The following CTIF variants were observed in gnomAD, a reference collection of about 807,000 sequenced individuals.
CTIF encodes cap binding complex dependent translation initiation factor.
A neutral mutation model predicts 66.0 loss-of-function variants in CTIF; 21 were observed. The observed-to-expected ratio is 0.32, with a 90% CI of 0.23 to 0.46. The LOEUF (loss-of-function observed/expected upper bound fraction) is 0.46. CTIF is among the 20% of genes least tolerant of loss of function. CTIF has a pLI of 1.00. For missense variants in CTIF, 739 were observed against 812.7 expected (o/e 0.91, Z 1.10); for synonymous variants, 345 against 326.4 (o/e 1.06, Z -0.62).
intron 5 of CTIF, among the ~76,000 whole-genome samples, chr18:48,668,976 G>A (rs78718877): frequency 3.8e-4 from 58 of 152,228 alleles, no homozygotes; most frequent in African/African-American, 1.4e-3. Context: ...ATCAAATGGG[G>A]CTTGGGTTAG....
At chr18:48,571,066 AGATAT>A (rs1434580579) in intron 1 of CTIF, among the ~76,000 whole-genome samples, 3 of 152,230 alleles carry the variant, frequency 2.0e-5, no homozygotes, top group Non-Finnish European at 2.9e-5. Context: ...TTAAAAAGAA[AGATAT>A]GATCTGCAAA....
At chr18:48,794,573 T>TG (rs1195523795) in intron 9 of CTIF, among the ~76,000 whole-genome samples, 1 of 151,924 alleles carries the variant, frequency 6.6e-6, no homozygotes, top group Non-Finnish European at 1.5e-5. Flanking sequence ...CTGCCTGAGG[T>TG]GGGGGGTTGA....
chr18:48,829,633 C>G (rs1465363307), intron 10 of CTIF, among the ~76,000 whole-genome samples: 6 of 152,190 alleles, frequency 3.9e-5, no homozygotes, highest in African/African-American at 9.7e-5. Context: ...GTTGGGGTGC[C>G]GAGTGCTGGA....
intron 1 of CTIF, among the ~76,000 whole-genome samples, chr18:48,604,168 G>GTTTTTTTTT (rs34544217): frequency 6.3e-5 from 4 of 63,264 alleles, no homozygotes; most frequent in African/African-American, 1.5e-4. Flanking sequence ...TTTTTTAAGG[G>GTTTTTTTTT]TTTTTTTTTT....
At chr18:48,652,326 C>A (rs181975108) in intron 3 of CTIF, among the ~76,000 whole-genome samples, 2,112 of 152,054 alleles carry the variant, frequency 0.014, 23 homozygotes, top group Middle Eastern at 0.044. Context: ...CACAGAAATA[C>A]AAACTACCAT....
At chr18:48,759,968 T>C (rs1908797876) in intron 8 of CTIF, among the ~76,000 whole-genome samples, 1 of 152,102 alleles carries the variant, frequency 6.6e-6, no homozygotes, top group African/African-American at 2.4e-5. Context: ...AAATCCTAGG[T>C]GGCCAACCAG....
intron 3 of CTIF, among the ~76,000 whole-genome samples, chr18:48,648,862 G>A (rs1424139101): frequency 6.6e-6 from 1 of 152,230 alleles, no homozygotes; most frequent in Non-Finnish European, 1.5e-5. Context: ...GCTCACGCCT[G>A]TGATCCCAGC....
At chr18:48,800,959 A>G (rs2068037140) in intron 9 of CTIF, among the ~76,000 whole-genome samples, 1 of 152,244 alleles carries the variant, frequency 6.6e-6, no homozygotes, top group South Asian at 2.1e-4. Context: ...GGGATCCAGG[A>G]GCTTTGAGTC....
At chr18:48,857,290 T>C (rs947010778) in intron 10 of CTIF, among the ~76,000 whole-genome samples, 1 of 152,222 alleles carries the variant, frequency 6.6e-6, no homozygotes, top group African/African-American at 2.4e-5. Flanking sequence ...TGCTGCAGGC[T>C]TTCTCTTCAG....
chr18:48,822,499 ACCCCCAACACACACAC>A (rs1391555662), intron 10 of CTIF, among the ~76,000 whole-genome samples: 2 of 64,842 alleles, frequency 3.1e-5, no homozygotes, highest in Non-Finnish European at 6.2e-5. Flanking sequence ...CCCCACCCCC[ACCCCCAACACACACAC>A]ACACACACAC....
At chr18:48,615,682 G>C (rs1379692724) in intron 1 of CTIF, among the ~76,000 whole-genome samples, 1 of 152,238 alleles carries the variant, frequency 6.6e-6, no homozygotes, top group Non-Finnish European at 1.5e-5. Flanking sequence ...AGCCGCATGG[G>C]GCGCTAGCTC....
At chr18:48,703,284 G>A (rs1023587878) in intron 6 of CTIF, among the ~76,000 whole-genome samples, 1 of 152,178 alleles carries the variant, frequency 6.6e-6, no homozygotes, top group Admixed American at 6.5e-5. Flanking sequence ...CACTGTGGGG[G>A]CAGACAGGTG....
At chr18:48,603,707 T>C (rs1309441100) in intron 1 of CTIF, among the ~76,000 whole-genome samples, 1 of 151,816 alleles carries the variant, frequency 6.6e-6, no homozygotes, top group Non-Finnish European at 1.5e-5. Flanking sequence ...GATGGATGAA[T>C]AGATATAGAT....
intron 9 of CTIF, among the ~76,000 whole-genome samples, chr18:48,798,915 C>G (rs1204261622): frequency 2.6e-5 from 4 of 152,170 alleles, no homozygotes. Flanking sequence ...CAGCACCCCC[C>G]AAGAACCAAT....
intron 10 of CTIF, among the ~76,000 whole-genome samples, chr18:48,843,855 G>A (rs940921866): frequency 6.6e-6 from 1 of 152,186 alleles, no homozygotes; most frequent in Admixed American, 6.5e-5. Flanking sequence ...GAGCAGGAGT[G>A]AAGCTATTTT....
rs1429370546 is a variant in CTIF, at chr18:48,740,851, A to G, written c.585-17068A>G. ...GGTTCTAGAAATATTACAGTGTTTT[A>G]TTTGTAATATTTATCTAGCCCTGCA... On this transcript the variant is annotated intron_variant, in intron 7 of 11. Coordinates refer to ENST00000256413, the MANE Select transcript of CTIF (RefSeq NM_014772.3). Among the ~76,000 whole-genome samples the G allele has an allele frequency of 2.0e-5, 3 of 152,186 alleles. No homozygotes were observed. The East Asian group carries it at 5.8e-4, about 29-fold the overall frequency.
intron 10 of CTIF, among the ~76,000 whole-genome samples, chr18:48,837,763 A>C (rs2068845118): frequency 6.6e-6 from 1 of 152,126 alleles, no homozygotes; most frequent in African/African-American, 2.4e-5. Context: ...TCCTAGGTGG[A>C]TCCAGTACAA....
chr18:48,657,780 G>A (rs139805853), intron 3 of CTIF, among the ~76,000 whole-genome samples: 1,606 of 152,258 alleles, frequency 0.011, 18 homozygotes, highest in Non-Finnish European at 0.015. Flanking sequence ...TTTTCACTGA[G>A]TCCAGGAAGA....
intron 6 of CTIF, among the ~76,000 whole-genome samples, chr18:48,685,729 T>C (rs1409318233): frequency 6.6e-6 from 1 of 152,004 alleles, no homozygotes; most frequent in East Asian, 1.9e-4. Flanking sequence ...CAGGCTGAAG[T>C]GGAGTGGTGC....
Sources: gnomAD v4.1 joint callset for allele counts (sites outside exome capture counted in the v4.1 genomes callset) on GRCh38, gnomAD v4.1.1 for gene constraint, MANE v1.5 for transcripts, NCBI Gene and HGNC (gene_info 2026-07-23, HGNC 2026-07-21) for gene names.